The following MAP4K3 variants were observed in gnomAD, a reference collection of about 807,000 sequenced individuals.
MAP4K3 encodes MAPK/ERK kinase kinase kinase 3.
In MAP4K3, 94 loss-of-function variants were observed where a neutral mutation model predicts 143.5. The observed-to-expected ratio is 0.65, with a 90% CI of 0.55 to 0.78. The LOEUF is 0.78. Ranked by LOEUF, MAP4K3 falls within the 30% of genes least tolerant of loss-of-function variation. The probability of loss-of-function intolerance (pLI) is 0.00; values close to 1 mark genes in which losing one functional copy is unlikely to be tolerated. For synonymous variants in MAP4K3, 416 were observed against 347.2 expected (o/e 1.20, Z -2.20); for missense variants, 1,077 against 1,068.1 (o/e 1.01, Z -0.12).
chr2:39,328,407 AAG>A (rs1683566922), intron 8 of MAP4K3, among the ~76,000 whole-genome samples: 1 of 152,186 alleles, frequency 6.6e-6, no homozygotes, highest in South Asian at 2.1e-4. Context: ...CAAATTTCTA[AAG>A]ATGAGCCAAA....
intron 15 of MAP4K3, among the ~76,000 whole-genome samples, chr2:39,307,148 A>G (rs1408075440): frequency 6.6e-6 from 1 of 152,258 alleles, no homozygotes; most frequent in East Asian, 1.9e-4. Flanking sequence ...AAGAGGAAGG[A>G]AAGATAAGGA....
chr2:39,359,806 T>A (rs1404989783), intron 2 of MAP4K3, among the ~76,000 whole-genome samples: 1 of 152,210 alleles, frequency 6.6e-6, no homozygotes, highest in African/African-American at 2.4e-5. Context: ...TGGCCCCTTT[T>A]AGCCACGGCT....
intron 1 of MAP4K3, among the ~76,000 whole-genome samples, chr2:39,409,438 C>A (rs933133102): frequency 1.3e-5 from 2 of 152,082 alleles, no homozygotes; most frequent in Admixed American, 6.6e-5. Flanking sequence ...AATAAATGAT[C>A]CACTTGGAAG....
intron 6 of MAP4K3, among the ~76,000 whole-genome samples, chr2:39,334,496 AC>A (rs1683795487): frequency 6.6e-6 from 1 of 152,096 alleles, no homozygotes; most frequent in African/African-American, 2.4e-5. Flanking sequence ...GCTGAGCTGC[AC>A]CCACCCACTG....
At chr2:39,382,201 TGA>T (rs567295599) in intron 1 of MAP4K3, among the ~76,000 whole-genome samples, 39 of 152,324 alleles carry the variant, frequency 2.6e-4, no homozygotes, top group Non-Finnish European at 5.4e-4. Flanking sequence ...AGGCATTCCT[TGA>T]GAGTGAACTG....
intron 1 of MAP4K3, among the ~76,000 whole-genome samples, chr2:39,381,524 A>C (rs1008099274): frequency 6.6e-6 from 1 of 152,080 alleles, no homozygotes; most frequent in Non-Finnish European, 1.5e-5. Flanking sequence ...TTGTGTTTTT[A>C]GTGTTGCAGC....
At chr2:39,433,874 A>T (rs1665369551) in intron 1 of MAP4K3, among the ~76,000 whole-genome samples, 1 of 152,226 alleles carries the variant, frequency 6.6e-6, no homozygotes. Flanking sequence ...CTTACTTACT[A>T]AGTAAAATTT....
At chr2:39,289,528 G>C (rs903598469) in intron 19 of MAP4K3, among the ~76,000 whole-genome samples, 2 of 151,904 alleles carry the variant, frequency 1.3e-5, no homozygotes, top group African/African-American at 4.8e-5. Flanking sequence ...GAATGATTTT[G>C]TTTGGAAAAA....
At chr2:39,354,138 G>T (rs568669437) in intron 3 of MAP4K3, among the ~76,000 whole-genome samples, 1 of 151,932 alleles carries the variant, frequency 6.6e-6, no homozygotes, top group Non-Finnish European at 1.5e-5. Context: ...GTGAAACACC[G>T]TCTCTACTAA....
chr2:39,392,109 C>T (rs777453752), intron 1 of MAP4K3, among the ~76,000 whole-genome samples: 9 of 132,726 alleles, frequency 6.8e-5, no homozygotes, highest in Admixed American at 9.4e-5. Context: ...CGCTTGAACC[C>T]GGGAGGTGGA....
chr2:39,284,224 C>T (rs541004110), intron 21 of MAP4K3, among the ~76,000 whole-genome samples: 69 of 151,954 alleles, frequency 4.5e-4, no homozygotes, highest in Admixed American at 3.7e-3. Flanking sequence ...TGCAGGGGCA[C>T]GATATCGGGT....
intron 13 of MAP4K3, 45 bp from the exon 14 acceptor site, chr2:39,309,564 T>TTC: frequency 7.9e-7 from 1 of 1,261,886 alleles, no homozygotes; most frequent in East Asian, 2.4e-5. Flanking sequence ...TTTTTTTTTT[T>TTC]TTTTTTTTTT....
chr2:39,371,793 C>T (rs1365225568), intron 2 of MAP4K3, among the ~76,000 whole-genome samples: 1 of 151,724 alleles, frequency 6.6e-6, no homozygotes, highest in Non-Finnish European at 1.5e-5. Context: ...AAGGTCACTA[C>T]ATATATATCC....
At chr2:39,419,289 T>A (rs142657473) in intron 1 of MAP4K3, among the ~76,000 whole-genome samples, 1 of 152,126 alleles carries the variant, frequency 6.6e-6, no homozygotes. Context: ...TAAGTTTAGT[T>A]TACAGATTTT....
chr2:39,435,496 T>C (rs1665433016), intron 1 of MAP4K3, among the ~76,000 whole-genome samples: 1 of 152,186 alleles, frequency 6.6e-6, no homozygotes, highest in South Asian at 2.1e-4. Flanking sequence ...AAGCAACGCC[T>C]AATCATCTCT....
intron 19 of MAP4K3, among the ~76,000 whole-genome samples, chr2:39,288,834 C>T (rs982384395): frequency 9.2e-5 from 14 of 152,108 alleles, no homozygotes; most frequent in African/African-American, 3.1e-4. Context: ...GAGCGGATCA[C>T]GAGGTCAGGA....
chr2:39,274,279 C>G (rs191458571), intron 24 of MAP4K3, among the ~76,000 whole-genome samples: 2 of 150,006 alleles, frequency 1.3e-5, no homozygotes, highest in Admixed American at 1.3e-4. Context: ...TGCAGTGGCG[C>G]GATCTCCGCT....
chr2:39,350,366 G>C (rs1335512433), intron 3 of MAP4K3, among the ~76,000 whole-genome samples: 1 of 152,178 alleles, frequency 6.6e-6, no homozygotes, highest in Non-Finnish European at 1.5e-5. Flanking sequence ...GCTGCGTTAA[G>C]ATGTAAACAT....
chr2:39,370,740 C>A (rs999620936), intron 2 of MAP4K3, among the ~76,000 whole-genome samples: 1 of 152,124 alleles, frequency 6.6e-6, no homozygotes, highest in African/African-American at 2.4e-5. Context: ...ATGAGTTTCC[C>A]CATTTAGAAG....
Sources: allele counts gnomAD v4.1 joint callset (sites outside exome capture counted in the v4.1 genomes callset), GRCh38; gene constraint gnomAD v4.1.1; transcripts MANE v1.5; gene names NCBI Gene and HGNC (gene_info 2026-07-23, HGNC 2026-07-21).